The following ST8SIA1 variants were observed in gnomAD, a reference collection of about 807,000 sequenced individuals.
The protein encoded by ST8SIA1 is ST8 alpha-N-acetyl-neuraminide alpha-2,8-sialyltransferase 1.
ST8SIA1 carries 16 observed loss-of-function variants against 35.9 expected under a neutral mutation model. That is an observed-to-expected ratio of 0.45 (90% CI 0.30 to 0.68). The LOEUF (loss-of-function observed/expected upper bound fraction) is 0.68. ST8SIA1 is among the 30% of genes least tolerant of loss of function. The pLI is 0.09. For missense variants in ST8SIA1, 383 were observed against 453.6 expected (o/e 0.84, Z 1.41); for synonymous variants, 170 against 169.6 (o/e 1.00, Z -0.02).
intron 4 of ST8SIA1, among the ~76,000 whole-genome samples, chr12:22,222,341 G>A (rs1028665606): frequency 1.3e-5 from 2 of 152,128 alleles, no homozygotes; most frequent in East Asian, 1.9e-4. Flanking sequence ...GCTGCCTCAC[G>A]AGGGAAAAAC....
At chr12:22,204,309 T>C (rs912202222) in intron 4 of ST8SIA1, among the ~76,000 whole-genome samples, 4 of 152,230 alleles carry the variant, frequency 2.6e-5, no homozygotes, top group Non-Finnish European at 4.4e-5. Context: ...TTAAGGTATG[T>C]AATGTGGTGT....
Position 22,334,284 on chromosome 12 carries a change from G to C in ST8SIA1, c.-52C>G. Reference sequence around the variant, plus strand: ...GGCCGGGGCCTCAGCACAAAGCTAGGCGAAGTGGCAGCGGAGGGTCCCCCA... The same window carrying C: ...GGCCGGGGCCTCAGCACAAAGCTAGCCGAAGTGGCAGCGGAGGGTCCCCCA... On this transcript the variant is annotated 5_prime_UTR_variant, in exon 1 of 5. Coordinates refer to ENST00000396037, the MANE Select transcript of ST8SIA1 (RefSeq NM_003034.4). 1 of 1,480,178 alleles carries C rather than the reference G, an allele frequency of 6.8e-7. No homozygotes were observed. Among genetic ancestry groups the C allele is most frequent in the South Asian group, 1.2e-5 (1 of 86,774 alleles). The allele number at this position is 1,480,178 out of a possible 1,614,324, so 91.7% of individuals were successfully genotyped here. A position where few individuals can be genotyped will look rare whatever the true frequency, so the allele number is the denominator to read the frequency against.
chr12:22,206,398 T>C (rs1314390566), intron 4 of ST8SIA1, among the ~76,000 whole-genome samples: 1 of 152,104 alleles, frequency 6.6e-6, no homozygotes, highest in Non-Finnish European at 1.5e-5. Flanking sequence ...AGGTTATTGT[T>C]CAGATTATGG....
At chr12:22,303,829 C>T (rs911066421) in intron 1 of ST8SIA1, among the ~76,000 whole-genome samples, 1 of 144,728 alleles carries the variant, frequency 6.9e-6, no homozygotes, top group Admixed American at 7.2e-5. Flanking sequence ...CGCCCCGCCA[C>T]CACCACCACC....
chr12:22,295,291 T>C (rs372895248), intron 1 of ST8SIA1, among the ~76,000 whole-genome samples: 1 of 152,188 alleles, frequency 6.6e-6, no homozygotes, highest in Non-Finnish European at 1.5e-5. Context: ...GTCAAAACTC[T>C]CTGTCTCCTC....
rs570965245 is a variant in ST8SIA1, at chr12:22,279,456, GT to G, written c.381+7692del. On this transcript the variant is annotated intron_variant, in intron 2 of 4. Coordinates refer to ENST00000396037, the MANE Select transcript of ST8SIA1 (RefSeq NM_003034.4). ...CACCTGGTTCACTTGTGTTCCTGCT[GT>G]GATAAATGATCAGTTCCCAAACCTC... 1.9e-4 allele frequency among the ~76,000 whole-genome samples: 29 copies of G among 152,254 alleles called. No individual in the cohort carries two copies. In the South Asian group the frequency reaches 5.8e-3, roughly 30 times the overall value.
At chr12:22,247,881 G>T (rs566558541) in intron 4 of ST8SIA1, among the ~76,000 whole-genome samples, 2 of 151,878 alleles carry the variant, frequency 1.3e-5, no homozygotes, top group African/African-American at 4.8e-5. Context: ...AAAGCAAGTC[G>T]AAAGTAGGCA....
intron 1 of ST8SIA1, among the ~76,000 whole-genome samples, chr12:22,327,272 A>AACTCC (rs772061829): frequency 2.6e-5 from 4 of 152,242 alleles, no homozygotes; most frequent in Non-Finnish European, 5.9e-5. Flanking sequence ...AGACTCCTGA[A>AACTCC]ACTCCAGGAA....
intron 4 of ST8SIA1, among the ~76,000 whole-genome samples, chr12:22,229,348 G>A (rs981700777): frequency 4.6e-5 from 7 of 152,090 alleles, no homozygotes; most frequent in Admixed American, 2.6e-4. Context: ...TGAGCATGGT[G>A]GCTCATGCCT....
intron 4 of ST8SIA1, among the ~76,000 whole-genome samples, chr12:22,221,028 T>A (rs1865293063): frequency 6.6e-6 from 1 of 152,228 alleles, no homozygotes; most frequent in Non-Finnish European, 1.5e-5. Context: ...ATGCAGGCTA[T>A]GGAGAACTGG....
intron 2 of ST8SIA1, among the ~76,000 whole-genome samples, chr12:22,268,872 C>A (rs1865879097): frequency 6.6e-6 from 1 of 152,154 alleles, no homozygotes; most frequent in Non-Finnish European, 1.5e-5. Context: ...ATGCCCTACT[C>A]ATGGGCATGG....
rs1190076181 is a variant in ST8SIA1, at chr12:22,195,870, G to A, written c.*5682C>T. On this transcript the variant is annotated 3_prime_UTR_variant, in exon 5 of 5. Transcript: ENST00000396037. ...ACTGATTCTTACTTTTCTTTGCCTT[G>A]GATTATATCACATCTCTTAGATGTT... is the stretch of plus-strand genomic sequence containing the variant. The A allele has an allele frequency of 2.6e-5, 4 of 152,030 alleles. No homozygotes were observed. The highest frequency in any genetic ancestry group is 2.1e-4 in the South Asian group (1 of 4,812). The allele number at this position is 152,030 out of a possible 1,614,324, so 9.4% of individuals were successfully genotyped here.
At chr12:22,289,887 T>C (rs971829723) in intron 1 of ST8SIA1, among the ~76,000 whole-genome samples, 1 of 152,252 alleles carries the variant, frequency 6.6e-6, no homozygotes, top group Non-Finnish European at 1.5e-5. Context: ...TACATTATTC[T>C]GAATTTATGG....
At chr12:22,202,697 C>A (rs1349900909) in intron 4 of ST8SIA1, among the ~76,000 whole-genome samples, 1 of 152,066 alleles carries the variant, frequency 6.6e-6, no homozygotes, top group Non-Finnish European at 1.5e-5. Flanking sequence ...ATAGAATGTT[C>A]TAAATACAAT....
intron 1 of ST8SIA1, among the ~76,000 whole-genome samples, chr12:22,312,727 A>T (rs868273806): frequency 0.025 from 3,855 of 151,630 alleles, 183 homozygotes; most frequent in African/African-American, 0.089. Context: ...AAAAAAAAAA[A>T]ACAATAAATT....
chr12:22,334,706 ACC>A (rs532500842), exon 1 of ST8SIA1: 596 of 64,594 alleles, frequency 9.2e-3, 7 homozygotes, highest in African/African-American at 0.026. Flanking sequence ...CCGCCAGGCA[ACC>A]CCCCCCCCCC....
intron 4 of ST8SIA1, among the ~76,000 whole-genome samples, chr12:22,232,525 T>C (rs1426910280): frequency 6.6e-6 from 1 of 152,210 alleles, no homozygotes; most frequent in Non-Finnish European, 1.5e-5. Flanking sequence ...TTAAGTTTGA[T>C]ATTCATATTA....
intron 4 of ST8SIA1, among the ~76,000 whole-genome samples, chr12:22,202,820 T>C (rs117157761): frequency 0.031 from 4,663 of 152,138 alleles, 117 homozygotes; most frequent in East Asian, 0.11. Context: ...TAAATACACT[T>C]CTTATAGGGA....
chr12:22,210,156 T>C (rs772417741), intron 4 of ST8SIA1, among the ~76,000 whole-genome samples: 5 of 152,216 alleles, frequency 3.3e-5, no homozygotes, highest in Non-Finnish European at 7.4e-5. Flanking sequence ...AAATGTTATA[T>C]AGAAACATGA....
Sources: gnomAD v4.1 joint callset for allele counts (sites outside exome capture counted in the v4.1 genomes callset) on GRCh38, gnomAD v4.1.1 for gene constraint, MANE v1.5 for transcripts, NCBI Gene and HGNC (gene_info 2026-07-23, HGNC 2026-07-21) for gene names.